The following ERBB4 variants were observed in gnomAD, a reference collection of about 807,000 sequenced individuals.
ERBB4 encodes the protein receptor tyrosine-protein kinase erbB-4.
ERBB4 carries 42 observed loss-of-function variants against 158.0 expected under a neutral mutation model. The observed-to-expected ratio is 0.27, with a 90% CI of 0.21 to 0.34. The LOEUF is 0.34. Ranked by LOEUF, ERBB4 falls within the 10% of genes least tolerant of loss-of-function variation. ERBB4 has a pLI of 1.00. For synonymous variants in ERBB4, 583 were observed against 558.7 expected (o/e 1.04, Z -0.61); for missense variants, 1,333 against 1,624.1 (o/e 0.82, Z 3.08).
intron 5 of ERBB4, among the ~76,000 whole-genome samples, chr2:211,735,250 G>T (rs995325917): frequency 6.6e-6 from 1 of 151,898 alleles, no homozygotes. Context: ...AAAATAACCT[G>T]TGCATTTGGC....
chr2:212,039,742 C>T (rs1465226850), intron 2 of ERBB4, among the ~76,000 whole-genome samples: 2 of 152,036 alleles, frequency 1.3e-5, no homozygotes, highest in African/African-American at 4.8e-5. Context: ...AAATAAGGTT[C>T]AGAGAGGTTA....
intron 1 of ERBB4, among the ~76,000 whole-genome samples, chr2:212,160,386 C>A (rs1014543670): frequency 6.6e-6 from 1 of 151,928 alleles, no homozygotes; most frequent in African/African-American, 2.4e-5. Flanking sequence ...GTCCCTATAC[C>A]ACACTCACTT....
intron 3 of ERBB4, among the ~76,000 whole-genome samples, chr2:211,902,634 C>T (rs1352238817): frequency 6.6e-6 from 1 of 151,504 alleles, no homozygotes. Context: ...AATATCTGGG[C>T]AAATAAAGTA....
At chr2:211,502,276 A>C (rs1301424352) in intron 20 of ERBB4, among the ~76,000 whole-genome samples, 1 of 152,172 alleles carries the variant, frequency 6.6e-6, no homozygotes, top group African/African-American at 2.4e-5. Context: ...ATTTGGGAAG[A>C]AGATATCATT....
At chr2:211,927,016 A>G (rs938719550) in intron 3 of ERBB4, among the ~76,000 whole-genome samples, 2 of 152,216 alleles carry the variant, frequency 1.3e-5, no homozygotes, top group African/African-American at 4.8e-5. Flanking sequence ...GAAAAATTTC[A>G]TAAGCCAAAC....
intron 2 of ERBB4, among the ~76,000 whole-genome samples, chr2:212,056,787 A>G (rs1036387968): frequency 2.6e-5 from 4 of 152,210 alleles, no homozygotes; most frequent in Non-Finnish European, 5.9e-5. Context: ...AGCACTAAAC[A>G]TGGAAAGGAA....
intron 3 of ERBB4, among the ~76,000 whole-genome samples, chr2:211,816,975 G>A (rs1445566270): frequency 1.3e-5 from 2 of 152,154 alleles, no homozygotes; most frequent in Admixed American, 1.3e-4. Context: ...GCACCTTTCA[G>A]GGAAATAGCA....
chr2:212,298,623 G>A (rs1349064984), intron 1 of ERBB4, among the ~76,000 whole-genome samples: 5 of 151,532 alleles, frequency 3.3e-5, no homozygotes, highest in African/African-American at 9.7e-5. Flanking sequence ...TCATGTCTAA[G>A]ATACTACCAT....
At chr2:212,522,564 G>A (rs1317639808) in intron 1 of ERBB4, among the ~76,000 whole-genome samples, 1 of 151,952 alleles carries the variant, frequency 6.6e-6, no homozygotes, top group Admixed American at 6.6e-5. Flanking sequence ...AATCTACGCA[G>A]AGGTAAGACA....
intron 2 of ERBB4, among the ~76,000 whole-genome samples, chr2:211,964,784 A>T: frequency 6.6e-6 from 1 of 152,194 alleles, no homozygotes; most frequent in East Asian, 1.9e-4. Context: ...TTAAGATTCT[A>T]CAGGACATTT....
At chr2:211,748,578 T>G (rs1302998161) in intron 5 of ERBB4, among the ~76,000 whole-genome samples, 2 of 152,116 alleles carry the variant, frequency 1.3e-5, no homozygotes, top group African/African-American at 4.8e-5. Flanking sequence ...CTATGGTGAG[T>G]CCCTCAACAG....
intron 10 of ERBB4, 145 bp from the exon 11 acceptor site, chr2:211,704,339 T>C (rs986743039): frequency 4.8e-5 from 32 of 662,050 alleles, no homozygotes; most frequent in African/African-American, 4.6e-4. Flanking sequence ...AGCACTCTAT[T>C]ACATATGTAT....
At chr2:212,486,184 T>TA (rs912139746) in intron 1 of ERBB4, among the ~76,000 whole-genome samples, 1 of 151,640 alleles carries the variant, frequency 6.6e-6, no homozygotes, top group African/African-American at 2.4e-5. Flanking sequence ...ATAATAATAA[T>TA]AAAGAGATAA....
intron 25 of ERBB4, among the ~76,000 whole-genome samples, chr2:211,397,424 A>G (rs2062943483): frequency 6.6e-6 from 1 of 152,228 alleles, no homozygotes; most frequent in Admixed American, 6.5e-5. Context: ...TACTAAAAAA[A>G]TGAAGCAAAA....
At chr2:211,675,882 C>T (rs1036722170) in intron 13 of ERBB4, among the ~76,000 whole-genome samples, 2 of 148,138 alleles carry the variant, frequency 1.4e-5, no homozygotes, top group African/African-American at 2.5e-5. Flanking sequence ...TCAAAAATGG[C>T]CATTCTATTT....
At chr2:211,977,943 AT>A (rs886865446) in intron 2 of ERBB4, among the ~76,000 whole-genome samples, 2 of 151,078 alleles carry the variant, frequency 1.3e-5, no homozygotes, top group Non-Finnish European at 2.9e-5. Flanking sequence ...TATTTAAATT[AT>A]TTAGGCTATT....
intron 7 of ERBB4, among the ~76,000 whole-genome samples, 189 bp downstream of exon 7, chr2:211,722,204 T>C (rs912876764): frequency 6.6e-6 from 1 of 152,182 alleles, no homozygotes; most frequent in Non-Finnish European, 1.5e-5. Context: ...CCTTTTGCTA[T>C]GAAACTTTAC....
chr2:211,844,567 G>A (rs185305764), intron 3 of ERBB4, among the ~76,000 whole-genome samples: 137 of 152,172 alleles, frequency 9.0e-4, no homozygotes, highest in African/African-American at 3.1e-3. Flanking sequence ...AACTCTGTGT[G>A]GACTGTCGAG....
chr2:211,937,665 C>T (rs1408344291), intron 3 of ERBB4, among the ~76,000 whole-genome samples: 1 of 152,018 alleles, frequency 6.6e-6, no homozygotes, highest in Non-Finnish European at 1.5e-5. Flanking sequence ...TGAATGAGTG[C>T]CCAGAGAAGG....
Sources: allele counts gnomAD v4.1 joint callset (sites outside exome capture counted in the v4.1 genomes callset), GRCh38; gene constraint gnomAD v4.1.1; transcripts MANE v1.5; gene names NCBI Gene and HGNC (gene_info 2026-07-23, HGNC 2026-07-21).